The following KCNIP4 variants were observed in gnomAD, a reference collection of about 807,000 sequenced individuals.
The protein encoded by KCNIP4 is Kv channel-interacting protein 4.
Under a neutral mutation model 34.0 loss-of-function variants are expected in KCNIP4, and 12 were observed. The ratio of observed to expected loss-of-function variants is 0.35; its 90% CI spans 0.23 to 0.57. The LOEUF (loss-of-function observed/expected upper bound fraction) is 0.57, where lower values mean the gene tolerates loss of function less well. KCNIP4 is among the 20% of genes least tolerant of loss of function. The pLI is 0.83. For missense variants in KCNIP4, 238 were observed against 311.7 expected (o/e 0.76, Z 1.78); for synonymous variants, 124 against 102.2 (o/e 1.21, Z -1.29).
Position 20,752,055 on chromosome 4 carries a change from G to GTTTTTTTT in KCNIP4, c.359-2331_359-2324dup, listed in dbSNP as rs33912651. On this transcript the variant is annotated intron_variant, in intron 4 of 8. Transcript: ENST00000382152. Reference sequence around the variant, plus strand: ...ACAATATCAGTATGTACTTCATAGAGTTTTTTTTTTTTTTTTTTTTGAGAC... The same window carrying GTTTTTTTT: ...ACAATATCAGTATGTACTTCATAGAGTTTTTTTTTTTTTTTTTTTTTTTTTTTTGAGAC... Among the ~76,000 whole-genome samples, 142 of 121,654 alleles carry GTTTTTTTT rather than the reference G, an allele frequency of 1.2e-3. 5 individuals are homozygous for GTTTTTTTT. The South Asian group carries it at 0.023, about 20-fold the overall frequency. The allele number at this position is 121,654 out of a possible 152,430, so 79.8% of individuals were successfully genotyped here. A position where few individuals can be genotyped will look rare whatever the true frequency, so the allele number is the denominator to read the frequency against.
intron 1 of KCNIP4, among the ~76,000 whole-genome samples, chr4:20,960,578 T>C (rs75453136): frequency 0.065 from 9,913 of 152,220 alleles, 822 homozygotes; most frequent in African/African-American, 0.19. Flanking sequence ...ACAAGGAAGT[T>C]TGCAAGGAAT....
In KCNIP4 at chr4:20,729,950, T is replaced by TAAAACAAAGCTTGTTTGCATA. The variant is rs1560396397; in HGVS notation, c.*111_*131dup. The stretch of plus-strand genomic sequence containing the variant: ...AAATCTTTTGGGGATTGCTTTATAT[T>TAAAACAAAGCTTGTTTGCATA]AAAACAAAGCTTGTTTGCATAATAT... On this transcript the variant is annotated 3_prime_UTR_variant, in exon 9 of 9. Coordinates refer to ENST00000382152, the MANE Select transcript of KCNIP4 (RefSeq NM_025221.6). The TAAAACAAAGCTTGTTTGCATA allele has an allele frequency of 4.5e-6, 5 of 1,102,288 alleles. No homozygotes were observed. In the African/African-American group the frequency reaches 8.0e-5, roughly 18 times the overall value. The allele number at this position is 1,102,288 out of a possible 1,614,324, so 68.3% of individuals were successfully genotyped here.
At chr4:21,215,799 T>TTTGTTG (rs1297307834) in intron 1 of KCNIP4, among the ~76,000 whole-genome samples, 1 of 152,096 alleles carries the variant, frequency 6.6e-6, no homozygotes, top group African/African-American at 2.4e-5. Flanking sequence ...CAAGATATTC[T>TTTGTTG]TTGTTGTTGT....
intron 1 of KCNIP4, among the ~76,000 whole-genome samples, chr4:21,179,282 A>C (rs944717869): frequency 1.3e-5 from 2 of 152,144 alleles, no homozygotes; most frequent in African/African-American, 2.4e-5. Flanking sequence ...GAAACCTTGC[A>C]CTTTCTGCTC....
Position 21,148,928 on chromosome 4 carries a change from A to C in KCNIP4, c.62-266219T>G, listed in dbSNP as rs1307068873. On this transcript the variant is annotated intron_variant, in intron 1 of 8. Coordinates refer to ENST00000382152, the MANE Select transcript of KCNIP4 (RefSeq NM_025221.6). ...TTTAGGTACAGTAAAAGAAAATGTGAATTAAATTGGCTTTGAGTATACAGC... is the reference window on the plus strand; with the variant it reads ...TTTAGGTACAGTAAAAGAAAATGTGCATTAAATTGGCTTTGAGTATACAGC... Among the ~76,000 whole-genome samples, 4 of 152,210 alleles carry C rather than the reference A, an allele frequency of 2.6e-5. No individual in the cohort carries two copies. The East Asian group carries it at 7.7e-4, about 29-fold the overall frequency.
chr4:21,454,532 C>T (rs1728766395), intron 1 of KCNIP4, among the ~76,000 whole-genome samples: 1 of 151,994 alleles, frequency 6.6e-6, no homozygotes, highest in Non-Finnish European at 1.5e-5. Context: ...GCTAAGAAAC[C>T]CTCATCCTTT....
chr4:21,622,242 A>T (rs1745041822), intron 1 of KCNIP4, among the ~76,000 whole-genome samples: 1 of 152,136 alleles, frequency 6.6e-6, no homozygotes, highest in Non-Finnish European at 1.5e-5. Flanking sequence ...TCTTTTAATG[A>T]CTTTACCCCC....
intron 1 of KCNIP4, among the ~76,000 whole-genome samples, chr4:21,864,500 G>C (rs1725301141): frequency 6.6e-6 from 1 of 152,172 alleles, no homozygotes; most frequent in Non-Finnish European, 1.5e-5. Flanking sequence ...TCATTTGTGT[G>C]ACTCATCAAA....
intron 2 of KCNIP4, among the ~76,000 whole-genome samples, chr4:20,868,246 A>C (rs1272207130): frequency 6.6e-6 from 1 of 151,698 alleles, no homozygotes; most frequent in African/African-American, 2.4e-5. Context: ...ATGAAAAAAC[A>C]CTCAGTATTA....
chr4:21,505,880 A>C (rs147297479), intron 1 of KCNIP4, among the ~76,000 whole-genome samples: 1 of 152,152 alleles, frequency 6.6e-6, no homozygotes, highest in Non-Finnish European at 1.5e-5. Flanking sequence ...AGGCAGGTGG[A>C]TCATCTGAGC....
intron 1 of KCNIP4, among the ~76,000 whole-genome samples, chr4:21,378,656 G>T (rs1015254791): frequency 1.3e-5 from 2 of 152,014 alleles, no homozygotes; most frequent in East Asian, 1.9e-4. Flanking sequence ...AATTGCATTT[G>T]ATCATGCCAT....
intron 1 of KCNIP4, among the ~76,000 whole-genome samples, chr4:21,521,338 C>A (rs1735506496): frequency 6.6e-6 from 1 of 152,136 alleles, no homozygotes; most frequent in Non-Finnish European, 1.5e-5. Flanking sequence ...CCCTTTAATT[C>A]CCACATATGG....
intron 1 of KCNIP4, among the ~76,000 whole-genome samples, chr4:21,380,641 G>C (rs568589438): frequency 6.6e-6 from 1 of 151,984 alleles, no homozygotes; most frequent in Non-Finnish European, 1.5e-5. Flanking sequence ...AGCTTACTTC[G>C]ACAAAGTGGC....
At position 20,991,823 on chromosome 4, in the gene KCNIP4, G is replaced by C. The variant is rs182386769; in HGVS notation, c.62-109114C>G. 2.3e-3 allele frequency among the ~76,000 whole-genome samples: 349 copies of C among 152,228 alleles called. 3 individuals carry two copies. The highest frequency in any genetic ancestry group is 2.7e-3 in the Non-Finnish European group (184 of 68,026). On this transcript the variant is annotated intron_variant, in intron 1 of 8. Transcript: ENST00000382152. ...GGCTGGGGCTTGGTCCTACTTCTAG[G>C]TCTGTTCCTAGGCCCTGTCATACCT...
At chr4:21,520,844 G>A (rs1735459014) in intron 1 of KCNIP4, among the ~76,000 whole-genome samples, 1 of 152,138 alleles carries the variant, frequency 6.6e-6, no homozygotes, top group Non-Finnish European at 1.5e-5. Flanking sequence ...ATTGGGGTAA[G>A]CAGTATTCCT....
intron 1 of KCNIP4, among the ~76,000 whole-genome samples, chr4:21,877,764 T>C (rs1726215428): frequency 6.6e-6 from 1 of 152,216 alleles, no homozygotes; most frequent in South Asian, 2.1e-4. Context: ...CCAGGTGTTC[T>C]CTAGTCCTGC....
At chr4:21,483,848 C>G (rs994869154) in intron 1 of KCNIP4, among the ~76,000 whole-genome samples, 1 of 151,776 alleles carries the variant, frequency 6.6e-6, no homozygotes. Flanking sequence ...GGTACCTCCC[C>G]TGTCTCTCTC....
chr4:21,777,604 A>T (rs764773072), intron 1 of KCNIP4, among the ~76,000 whole-genome samples: 1 of 152,218 alleles, frequency 6.6e-6, no homozygotes, highest in Non-Finnish European at 1.5e-5. Flanking sequence ...ACTTCTGCTC[A>T]GAATTACATA....
intron 1 of KCNIP4, among the ~76,000 whole-genome samples, chr4:21,025,630 T>C (rs565047572): frequency 1.0e-3 from 136 of 129,946 alleles, no homozygotes; most frequent in South Asian, 2.4e-3. Flanking sequence ...TTCGCCTCAC[T>C]GCCAGCTCTG....
Sources: gnomAD v4.1 joint callset for allele counts (sites outside exome capture counted in the v4.1 genomes callset) on GRCh38, gnomAD v4.1.1 for gene constraint, MANE v1.5 for transcripts, NCBI Gene and HGNC (gene_info 2026-07-23, HGNC 2026-07-21) for gene names.